Variants in IL1RAPL1 observed in about 807,000 individuals in gnomAD.
IL1RAPL1 encodes the protein interleukin-1 receptor accessory protein-like 1.
Under a neutral mutation model 48.4 loss-of-function variants are expected in IL1RAPL1, and 3 were observed. The ratio of observed to expected loss-of-function variants is 0.06; its 90% CI spans 0.03 to 0.16. The LOEUF (loss-of-function observed/expected upper bound fraction) is 0.16, where lower values mean the gene tolerates loss of function less well. Among genes scored for constraint, IL1RAPL1 ranks in the 10% least tolerant of loss-of-function variants. The pLI, the probability that IL1RAPL1 is intolerant of heterozygous loss-of-function variation, is 1.00. For synonymous variants in IL1RAPL1, 185 were observed against 187.7 expected, an observed-to-expected ratio of 0.99 and a Z score of 0.12; for missense variants, 349 against 530.6, an observed-to-expected ratio of 0.66 and a Z score of 3.36.
intron 1 of IL1RAPL1, among the ~76,000 whole-genome samples, chrX:28,600,579 T>G (rs2146878284): frequency 9.1e-6 from 1 of 110,171 alleles, no homozygotes; most frequent in South Asian, 4.0e-4. Flanking sequence ...CCAAGGATAA[T>G]AAGACAATTG....
At chrX:29,926,346 C>T (rs897175414) in intron 8 of IL1RAPL1, among the ~76,000 whole-genome samples, 28 of 111,755 alleles carry the variant, frequency 2.5e-4, no homozygotes, top group African/African-American at 8.4e-4. Flanking sequence ...AAACCAATGT[C>T]GAGGGCCAAG....
chrX:29,178,431 G>T (rs1408790668), intron 2 of IL1RAPL1, among the ~76,000 whole-genome samples: 2 of 111,620 alleles, frequency 1.8e-5, no homozygotes, highest in African/African-American at 3.3e-5. Context: ...GCCCACTTTT[G>T]GATGGGGTTG....
At chrX:29,438,147 T>G (rs1569311164) in intron 5 of IL1RAPL1, among the ~76,000 whole-genome samples, 1 of 111,334 alleles carries the variant, frequency 9.0e-6, no homozygotes, top group East Asian at 2.8e-4. Flanking sequence ...TTTATCTAAG[T>G]TGCCAAATTA....
chrX:29,682,085 T>A (rs760829936), intron 6 of IL1RAPL1, among the ~76,000 whole-genome samples: 3 of 111,920 alleles, frequency 2.7e-5, no homozygotes, highest in Non-Finnish European at 5.6e-5. Flanking sequence ...TATTGCGTAT[T>A]AATAAAAAGG....
chrX:29,567,062 A>G (rs1341223799), intron 5 of IL1RAPL1, among the ~76,000 whole-genome samples: 1 of 111,924 alleles, frequency 8.9e-6, no homozygotes, highest in Non-Finnish European at 1.9e-5. Flanking sequence ...GATAATGTCA[A>G]ATAATTTTTC....
chrX:29,941,302 C>T (rs1288623179), intron 8 of IL1RAPL1, among the ~76,000 whole-genome samples: 1 of 112,125 alleles, frequency 8.9e-6, no homozygotes, highest in African/African-American at 3.2e-5. Context: ...ACAAGTGATA[C>T]ATTTATATAA....
intron 2 of IL1RAPL1, among the ~76,000 whole-genome samples, chrX:28,807,499 A>G (rs190989193): frequency 8.9e-6 from 1 of 111,891 alleles, no homozygotes; most frequent in East Asian, 2.8e-4. Context: ...TGCCTTACAT[A>G]GAAACTTGCA....
chrX:29,795,300 A>T (rs1929717681), intron 6 of IL1RAPL1, among the ~76,000 whole-genome samples: 1 of 112,301 alleles, frequency 8.9e-6, no homozygotes, highest in East Asian at 2.8e-4. Context: ...AAATGAGATC[A>T]TTTGAACCAA....
chrX:29,654,125 A>G (rs1925603951), intron 5 of IL1RAPL1, among the ~76,000 whole-genome samples: 1 of 109,349 alleles, frequency 9.1e-6, no homozygotes, highest in African/African-American at 3.3e-5. Flanking sequence ...AAAAGCAGTA[A>G]TGCCACCAAA....
At chrX:28,664,549 C>G (rs1267409783) in intron 1 of IL1RAPL1, among the ~76,000 whole-genome samples, 1 of 111,427 alleles carries the variant, frequency 9.0e-6, no homozygotes, top group Non-Finnish European at 1.9e-5. Flanking sequence ...CAAGGTGATC[C>G]CACAGTGCTG....
At chrX:29,945,548 A>G (rs909931070) in intron 9 of IL1RAPL1, among the ~76,000 whole-genome samples, 1 of 112,710 alleles carries the variant, frequency 8.9e-6, no homozygotes, top group Admixed American at 9.4e-5. Flanking sequence ...TAGCAATATG[A>G]TAATAATAGA....
intron 6 of IL1RAPL1, among the ~76,000 whole-genome samples, chrX:29,675,467 G>A (rs976842176): frequency 8.9e-6 from 1 of 112,503 alleles, no homozygotes; most frequent in African/African-American, 3.2e-5. Context: ...AGCACTAAGA[G>A]TACTATTTTA....
intron 2 of IL1RAPL1, among the ~76,000 whole-genome samples, chrX:29,216,445 T>C (rs1301898795): frequency 9.0e-6 from 1 of 111,296 alleles, no homozygotes; most frequent in Non-Finnish European, 1.9e-5. Context: ...TCCATTTGCC[T>C]TGGCCTCCAA....
chrX:28,983,536 C>T (rs1053458177), intron 2 of IL1RAPL1, among the ~76,000 whole-genome samples: 1 of 112,108 alleles, frequency 8.9e-6, no homozygotes, highest in Non-Finnish European at 1.9e-5. Context: ...TTCCTCTTGT[C>T]CCAGACATGT....
chrX:29,626,011 G>T (rs1357473658), intron 5 of IL1RAPL1, among the ~76,000 whole-genome samples: 1 of 111,582 alleles, frequency 9.0e-6, no homozygotes, highest in Non-Finnish European at 1.9e-5. Context: ...TTATAGATTC[G>T]ACATTGTCAT....
chrX:28,966,640 A>G (rs1027894011), intron 2 of IL1RAPL1, among the ~76,000 whole-genome samples: 1 of 111,969 alleles, frequency 8.9e-6, no homozygotes, highest in African/African-American at 3.2e-5. Flanking sequence ...CAATGTATCA[A>G]TTAAGCAAAC....
At chrX:28,729,664 C>T (rs1386093066) in intron 1 of IL1RAPL1, among the ~76,000 whole-genome samples, 1 of 110,711 alleles carries the variant, frequency 9.0e-6, no homozygotes, top group East Asian at 2.8e-4. Flanking sequence ...TAACTGAGCT[C>T]ATCCAAAATT....
At chrX:29,000,449 G>A (rs1022672277) in intron 2 of IL1RAPL1, among the ~76,000 whole-genome samples, 2 of 111,628 alleles carry the variant, frequency 1.8e-5, no homozygotes, top group African/African-American at 6.5e-5. Flanking sequence ...TTGAATACAG[G>A]TCTTATGTCT....
chrX:28,789,547 G>A (rs919562479), intron 2 of IL1RAPL1, 122 bp downstream of exon 2: 14 of 539,219 alleles, frequency 2.6e-5, no homozygotes, highest in Non-Finnish European at 4.2e-5. Context: ...TGGAGATATT[G>A]TAGATATTAT....
Sources: allele counts gnomAD v4.1 joint callset (sites outside exome capture counted in the v4.1 genomes callset), GRCh38; gene constraint gnomAD v4.1.1; transcripts MANE v1.5; gene names NCBI Gene and HGNC (gene_info 2026-07-23, HGNC 2026-07-21).